The following DNAH1 variants were observed in gnomAD, a reference collection of about 807,000 sequenced individuals.
DNAH1 encodes the protein dynein axonemal heavy chain 1.
A neutral mutation model predicts 484.3 loss-of-function variants in DNAH1; 327 were observed. The ratio of observed to expected loss-of-function variants is 0.68; its 90% confidence interval spans 0.62 to 0.74. The LOEUF is 0.74. DNAH1 is among the 30% of genes least tolerant of loss of function. The pLI is 0.00. For synonymous variants in DNAH1, 2,192 were observed against 2,191.9 expected (o/e 1.00, Z 0.00); for missense variants, 5,052 against 5,546.8 (o/e 0.91, Z 2.83).
At chr3:52,397,204 G>C (rs1346625047) in intron 73 of DNAH1, among the ~76,000 whole-genome samples, 160 bp downstream of exon 73, 1 of 151,998 alleles carries the variant, frequency 6.6e-6, no homozygotes, top group Non-Finnish European at 1.5e-5. Flanking sequence ...GACAGCCTTG[G>C]CGAGGGAGTC....
At position 52,395,415 on chromosome 3, in the gene DNAH1, A is replaced by G; in HGVS notation, c.11076A>G (p.Glu3692=). 2 of 1,613,906 alleles carry G rather than the reference A, an allele frequency of 1.2e-6. No individual in the cohort carries two copies. Among genetic ancestry groups the G allele is most frequent in the South Asian group, 2.2e-5 (2 of 91,086 alleles). ...DPAADLYKFA[E]EMKFSKKLSA... is the part of the protein sequence containing the mutation. ...CTGCCGACCTCTACAAGTTTGCCGA[A>G]GAAATGAAGTTCTCCAAAAAGCTCT... Residue 3692 remains glutamate, a synonymous_variant, in exon 69 of 78, where the codon GAA becomes GAG. Coordinates refer to ENST00000420323, the MANE Select transcript of DNAH1 (RefSeq NM_015512.5). The surrounding 1 kb of genome is among the most constrained non-coding windows in gnomAD (Gnocchi z 4.4).
chr3:52,329,084 A>G (rs1214966705), intron 6 of DNAH1, among the ~76,000 whole-genome samples: 1 of 152,252 alleles, frequency 6.6e-6, no homozygotes, highest in Non-Finnish European at 1.5e-5. Context: ...ACTTAATTAC[A>G]AAAATAATTT....
intron 34 of DNAH1, among the ~76,000 whole-genome samples, chr3:52,365,550 G>A (rs1578148713): frequency 6.6e-6 from 1 of 152,150 alleles, no homozygotes. Flanking sequence ...GGGCTGGGGG[G>A]ACACTGCCCT....
intron 8 of DNAH1, among the ~76,000 whole-genome samples, 177 bp from the exon 9 acceptor site, chr3:52,344,313 A>T (rs1702058864): frequency 6.6e-6 from 1 of 152,140 alleles, no homozygotes; most frequent in South Asian, 2.1e-4. Flanking sequence ...GGAAAGAAGC[A>T]GAGGAGGTGC....
intron 63 of DNAH1, 84 bp downstream of exon 63, chr3:52,391,687 G>T: frequency 6.5e-7 from 1 of 1,531,990 alleles, no homozygotes; most frequent in South Asian, 1.2e-5. Flanking sequence ...CAGGCCGGGA[G>T]TCAGTGGGAC....
intron 15 of DNAH1, 74 bp downstream of exon 15, chr3:52,350,182 C>T: frequency 6.4e-7 from 1 of 1,563,462 alleles, no homozygotes; most frequent in East Asian, 2.4e-5. Flanking sequence ...CTGGGGCAGG[C>T]AGGGGCTGGG....
rs149024908 is a variant in DNAH1, at chr3:52,396,456, T to C, written c.11348T>C (p.Ile3783Thr). Reference sequence around the variant, plus strand: ...CTGCAGAACGGCTCCAAGATGACCATTGAGCCGCCACGCGGTGTCAGGGCC... The same window carrying C: ...CTGCAGAACGGCTCCAAGATGACCACTGAGCCGCCACGCGGTGTCAGGGCC... Reference protein sequence around the residue: ...SILQNGSKMTIEPPRGVRANL... With the variant: ...SILQNGSKMTTEPPRGVRANL... The change falls in exon 71 of 78, where the codon ATT becomes ACT. Residue 3783 changes from isoleucine to threonine, a missense_variant. Ile to Thr is a moderately conservative substitution (Grantham distance 89). Coordinates refer to ENST00000420323, the MANE Select transcript of DNAH1 (RefSeq NM_015512.5). 2.5e-4 allele frequency: 394 copies of C among 1,598,660 alleles called. No homozygotes were observed. Among genetic ancestry groups the C allele is most frequent in the African/African-American group, 3.1e-4 (23 of 74,642 alleles).
chr3:52,400,325 G>C lies in DNAH1; in HGVS notation c.12677G>C (p.Gly4226Ala), dbSNP rs1267915112. The change falls in exon 78 of 78, where the codon GGA becomes GCA. Residue 4226 changes from glycine to alanine, a missense_variant and splice_region_variant. Gly to Ala is a moderately conservative substitution (Grantham distance 60, BLOSUM62 0). This residue lies in a region of DNAH1 where 853 missense variants were observed against 899.0 expected (regional missense o/e 0.95). Coordinates refer to ENST00000420323, the MANE Select transcript of DNAH1 (RefSeq NM_015512.5). ...CCGTCCCCCTCCTTGCCCATTCCAG[G>C]AACACTATCAACCACAGGACACTCT... ...CPIYKTLTRAGTLSTTGHSTN... is the reference protein window; with the variant it reads ...CPIYKTLTRAATLSTTGHSTN... 1 of 1,613,798 alleles carries C rather than the reference G, an allele frequency of 6.2e-7. No individual in the cohort carries two copies. Among genetic ancestry groups the C allele is most frequent in the Non-Finnish European group, 8.5e-7 (1 of 1,179,876 alleles).
At chr3:52,335,988 T>G (rs1410153973) in intron 8 of DNAH1, among the ~76,000 whole-genome samples, 1 of 152,222 alleles carries the variant, frequency 6.6e-6, no homozygotes, top group African/African-American at 2.4e-5. Flanking sequence ...TACAGTTGTT[T>G]AAGTTTCTTA....
In DNAH1 at chr3:52,353,599, C is replaced by A. The variant is rs1031390043; in HGVS notation, c.3446C>A (p.Ala1149Asp). ...QDHIESISKVAEVAGKEYAIE... is the reference protein window; with the variant it reads ...QDHIESISKVDEVAGKEYAIE... ...CATATCGAGAGCATCAGCAAGGTGG[C>A]TGAGGTGGCTGGCAAGGAGTACGCC... The change falls in exon 20 of 78, where the codon GCT becomes GAT. Residue 1149 changes from alanine to aspartate, a missense_variant. This residue lies in a region of DNAH1 where 2,929 missense variants were observed against 3,409.4 expected (regional missense o/e 0.86). Coordinates refer to ENST00000420323, the MANE Select transcript of DNAH1 (RefSeq NM_015512.5). The surrounding 1 kb of genome is among the most constrained non-coding windows in gnomAD (Gnocchi z 5.0). 9 of 1,607,944 alleles carry A rather than the reference C, an allele frequency of 5.6e-6. No homozygotes were observed. The highest frequency in any genetic ancestry group is 1.7e-5 in the Admixed American group (1 of 59,100).
intron 43 of DNAH1, 138 bp downstream of exon 43, chr3:52,372,525 GC>G: frequency 8.1e-7 from 1 of 1,237,792 alleles, no homozygotes; most frequent in Non-Finnish European, 1.1e-6. Flanking sequence ...CCCCCAATGG[GC>G]CCAGGGTTCC....
rs1455152635 is a variant in DNAH1 at position 52,379,354 on chromosome 3, G to A, written c.7378-551G>A. 1.3e-5 allele frequency among the ~76,000 whole-genome samples: 2 copies of A among 152,186 alleles called. No individual in the cohort carries two copies. The highest frequency in any genetic ancestry group is 2.4e-5 in the African/African-American group (1 of 41,432). On this transcript the variant is annotated intron_variant, in intron 47 of 77. Coordinates refer to ENST00000420323, the MANE Select transcript of DNAH1 (RefSeq NM_015512.5). The surrounding 1 kb of genome is among the most constrained non-coding windows in gnomAD (Gnocchi z 4.4). Reference sequence around the variant, plus strand: ...AAGCTGACCCTGGCCTTGTAGCCACGCTTGTAGCCAACAAAGTCTACAGAA... The same window carrying A: ...AAGCTGACCCTGGCCTTGTAGCCACACTTGTAGCCAACAAAGTCTACAGAA...
At chr3:52,346,835 GCAGGGTCAGGGAC>G in intron 11 of DNAH1, 65 bp downstream of exon 11, 1 of 1,518,738 alleles carries the variant, frequency 6.6e-7, no homozygotes, top group Non-Finnish European at 8.9e-7. Context: ...TGGGGATGGA[GCAGGGTCAGGGAC>G]CAGGGCCAGG....
chr3:52,350,027 T>G lies in DNAH1; in HGVS notation c.2565T>G (p.Tyr855Ter). 6.2e-7 allele frequency: 1 copy of G among 1,613,252 alleles called. No homozygotes were observed. Among genetic ancestry groups the G allele is most frequent in the South Asian group, 1.1e-5 (1 of 90,840 alleles). Residue 855 changes from tyrosine to a stop codon, truncating the protein, a stop_gained, in exon 15 of 78, where the codon TAT (tyrosine) becomes TAG (stop). Transcript: ENST00000420323. LOFTEE classifies it high-confidence loss of function. ...EEFRSISRKI[Y>*]EKPNSIEELA... The stretch of plus-strand genomic sequence containing the variant: ...TCCGCAGCATCAGCCGCAAGATCTA[T>G]GAGAAGCCCAACAGCATTGAGGAGC...
chr3:52,348,605 C>T (rs1433024349), intron 12 of DNAH1, among the ~76,000 whole-genome samples: 3 of 152,232 alleles, frequency 2.0e-5, no homozygotes, highest in Non-Finnish European at 4.4e-5. Context: ...TTTCTTGGTC[C>T]TGGGCTGAGT....
chr3:52,393,617 C>G, intron 66 of DNAH1, 132 bp downstream of exon 66: 1 of 1,368,994 alleles, frequency 7.3e-7, no homozygotes, highest in Non-Finnish European at 9.9e-7. Flanking sequence ...GAAACAATTC[C>G]TTGATTAAAA....
chr3:52,322,919 A>C, intron 2 of DNAH1, 144 bp downstream of exon 2: 1 of 766,182 alleles, frequency 1.3e-6, no homozygotes, highest in Admixed American at 2.7e-5. Context: ...CTATCCATCT[A>C]CCCCCTATTA....
chr3:52,361,676 C>G lies in DNAH1; in HGVS notation c.4890C>G (p.Ala1630=). 4 of 1,607,474 alleles carry G rather than the reference C, an allele frequency of 2.5e-6. No homozygotes were observed. The highest frequency in any genetic ancestry group is 1.7e-6 in the Non-Finnish European group (2 of 1,177,190). Residue 1630 remains alanine, a synonymous_variant, in exon 30 of 78, where the codon GCC becomes GCG. Transcript: ENST00000420323. This position sits in a 1 kb window ranked among gnomAD's most constrained non-coding sequence, Gnocchi z 5.6. ...FKGLASAGAW[A]CFDEFNRIDI... The stretch of plus-strand genomic sequence containing the variant: ...CCTCACTCAGTGCTGGGGCCTGGGC[C>G]TGCTTCGACGAGTTCAATCGCATCG...
In DNAH1 at chr3:52,380,070, T is replaced by C. The variant is rs746137720; in HGVS notation, c.7543T>C (p.Tyr2515His). ...GGTCTGCCCCTTCCAGCCCATTCTT[T>C]ACGGGGACTTCATGTCACCAGGCTC... ...NKVCPFQPIL[Y>H]GDFMSPGSDV... Residue 2515 changes from tyrosine to histidine, a missense_variant, in exon 48 of 78, where the codon TAC becomes CAC. Physicochemically the swap from Tyr to His is moderately conservative, Grantham distance 83. Coordinates refer to ENST00000420323, the MANE Select transcript of DNAH1 (RefSeq NM_015512.5). 1.9e-6 allele frequency: 3 copies of C among 1,605,710 alleles called. No homozygotes were observed. The highest frequency in any genetic ancestry group is 2.6e-6 in the Non-Finnish European group (3 of 1,176,138).
Sources: gnomAD v4.1 joint callset for allele counts (sites outside exome capture counted in the v4.1 genomes callset) on GRCh38, gnomAD v4.1.1 for gene constraint, gnomAD v4.1.1 regional missense constraint, Gnocchi (gnomAD v3.1) non-coding constraint, MANE v1.5 for transcripts, NCBI Gene and HGNC (gene_info 2026-07-23, HGNC 2026-07-21) for gene names.